STAT4: variants seen among roughly 807,000 people sequenced by gnomAD.
STAT4 encodes the protein signal transducer and activator of transcription 4.
Under a neutral mutation model 110.5 loss-of-function variants are expected in STAT4, and 42 were observed. That is an observed-to-expected ratio of 0.38 (90% CI 0.30 to 0.49). The LOEUF (loss-of-function observed/expected upper bound fraction) is 0.49. Ranked by LOEUF, STAT4 falls within the 20% of genes least tolerant of loss-of-function variation. The pLI is 0.95. For missense variants in STAT4, 632 were observed against 887.9 expected (o/e 0.71, Z 3.66); for synonymous variants, 284 against 302.2 (o/e 0.94, Z 0.63).
Position 191,091,307 on chromosome 2 carries a change from A to T in STAT4, c.274-14982T>A, listed in dbSNP as rs1381168695. Among the ~76,000 whole-genome samples the T allele has an allele frequency of 1.3e-5, 2 of 152,212 alleles. No individual in the cohort carries two copies. Among genetic ancestry groups the T allele is most frequent in the East Asian group, 1.9e-4 (1 of 5,206 alleles). Reference sequence around the variant, plus strand: ...CATCTAGAGCTAGAAATAAAAAATAAGAAATAGAAAATAGATTCAAAATAA... The same window carrying T: ...CATCTAGAGCTAGAAATAAAAAATATGAAATAGAAAATAGATTCAAAATAA... On this transcript the variant is annotated intron_variant, in intron 3 of 23. Coordinates refer to ENST00000392320, the MANE Select transcript of STAT4 (RefSeq NM_003151.4). The surrounding 1 kb of genome is among the most constrained non-coding windows in gnomAD (Gnocchi z 5.4).
intron 3 of STAT4, among the ~76,000 whole-genome samples, chr2:191,084,409 A>C (rs1477871193): frequency 6.6e-6 from 1 of 152,176 alleles, no homozygotes; most frequent in Non-Finnish European, 1.5e-5. Flanking sequence ...CATAATTAAA[A>C]TTACTTACGT....
intron 3 of STAT4, among the ~76,000 whole-genome samples, chr2:191,118,397 G>T (rs1181149825): frequency 6.6e-6 from 1 of 152,076 alleles, no homozygotes; most frequent in Non-Finnish European, 1.5e-5. Context: ...TTTTTTAAAA[G>T]TTCAAGTAAT....
At chr2:191,097,162 G>C (rs1021849046) in intron 3 of STAT4, among the ~76,000 whole-genome samples, 2 of 152,132 alleles carry the variant, frequency 1.3e-5, no homozygotes, top group Non-Finnish European at 2.9e-5. Flanking sequence ...TCATGGATAG[G>C]AAGAATCAAT....
At position 191,110,184 on chromosome 2, in the gene STAT4, G is replaced by C. The variant is rs1471415944; in HGVS notation, c.274-33859C>G. Among the ~76,000 whole-genome samples the C allele has an allele frequency of 2.0e-5, 3 of 152,092 alleles. No homozygotes were observed. Among genetic ancestry groups the C allele is most frequent in the Non-Finnish European group, 4.4e-5 (3 of 68,030 alleles). On this transcript the variant is annotated intron_variant, in intron 3 of 23. Transcript: ENST00000392320. The surrounding 1 kb of genome is among the most constrained non-coding windows in gnomAD (Gnocchi z 4.5). Reference sequence around the variant, plus strand: ...TGACCACAAAACCATTCCTCAGTCTGCACAAACATAGATTTGTGTTGATGT... The same window carrying C: ...TGACCACAAAACCATTCCTCAGTCTCCACAAACATAGATTTGTGTTGATGT...
At position 191,043,718 on chromosome 2, in the gene STAT4, A is replaced by T. The variant is rs1268120174; in HGVS notation, c.1252-2570T>A. Among the ~76,000 whole-genome samples the T allele has an allele frequency of 6.6e-6, 1 of 152,200 alleles. No individual in the cohort carries two copies. Among genetic ancestry groups the T allele is most frequent in the Non-Finnish European group, 1.5e-5 (1 of 68,036 alleles). On this transcript the variant is annotated intron_variant, in intron 14 of 23. Coordinates refer to ENST00000392320, the MANE Select transcript of STAT4 (RefSeq NM_003151.4). This position sits in a 1 kb window ranked among gnomAD's most constrained non-coding sequence, Gnocchi z 4.8. ...TTCATCAATAGGAGAATAGCTAGCTATACTGTGTATATTTATAGAGCAAAA... is the reference window on the plus strand; with the variant it reads ...TTCATCAATAGGAGAATAGCTAGCTTTACTGTGTATATTTATAGAGCAAAA...
intron 3 of STAT4, among the ~76,000 whole-genome samples, chr2:191,121,731 T>C (rs1434929382): frequency 7.9e-6 from 1 of 126,086 alleles, no homozygotes; most frequent in Non-Finnish European, 1.6e-5. Context: ...TGAGAACACT[T>C]GGACACAGGA....
In STAT4 at chr2:191,031,117, A is replaced by T. The variant is rs1370815059; in HGVS notation, c.2112-37T>A. 2 of 1,591,820 alleles carry T rather than the reference A, an allele frequency of 1.3e-6. No homozygotes were observed. The highest frequency in any genetic ancestry group is 1.7e-6 in the Non-Finnish European group (2 of 1,160,494). On this transcript the variant is annotated intron_variant, in intron 22 of 23. Coordinates refer to ENST00000392320, the MANE Select transcript of STAT4 (RefSeq NM_003151.4). This position sits in a 1 kb window ranked among gnomAD's most constrained non-coding sequence, Gnocchi z 4.8. ...AACAAGGTCAATATGGACAAGGATT[A>T]AAAAATAATAATAGTTCACGGTGAC...
rs78508787 is a variant in STAT4, at chr2:191,078,458, T to C, written c.274-2133A>G. On this transcript the variant is annotated intron_variant, in intron 3 of 23. Transcript: ENST00000392320. ...GAATCACCGCTGTTTTCATCCAGGA[T>C]ATCTTTTCACTTTCCTTTTGCATTT... 7.8e-4 allele frequency among the ~76,000 whole-genome samples: 119 copies of C among 152,300 alleles called. No individual in the cohort carries two copies. In the East Asian group the frequency reaches 0.017, roughly 22 times the overall value.
At chr2:191,084,893 C>G (rs1211888125) in intron 3 of STAT4, among the ~76,000 whole-genome samples, 1 of 151,674 alleles carries the variant, frequency 6.6e-6, no homozygotes, top group African/African-American at 2.4e-5. Context: ...TACCTTATGG[C>G]TCAACTGATT....
At chr2:191,056,310 T>C (rs566271130) in intron 13 of STAT4, among the ~76,000 whole-genome samples, 1 of 152,254 alleles carries the variant, frequency 6.6e-6, no homozygotes, top group South Asian at 2.1e-4. Context: ...TCTTAAGAAT[T>C]ATGCAGAATT....
chr2:191,057,091 G>C (rs1008623175), intron 13 of STAT4, among the ~76,000 whole-genome samples: 2 of 152,042 alleles, frequency 1.3e-5, no homozygotes, highest in Non-Finnish European at 2.9e-5. Context: ...CCCCTTCTAC[G>C]CTACTGAATA....
At chr2:191,148,314 C>A in intron 1 of STAT4, 110 bp from the exon 2 acceptor site, 1 of 1,356,568 alleles carries the variant, frequency 7.4e-7, no homozygotes, top group Non-Finnish European at 9.9e-7. Flanking sequence ...TCCAATATAT[C>A]CAAGGATACA....
In STAT4 at chr2:191,112,565, T is replaced by C. The variant is rs1053236975; in HGVS notation, c.273+34048A>G. ...GCCCTGTGGCACAATCTATATGTAG[T>C]ATAGGATAGTGATGAAACCAAAAGA... On this transcript the variant is annotated intron_variant, in intron 3 of 23. Transcript: ENST00000392320. This position sits in a 1 kb window ranked among gnomAD's most constrained non-coding sequence, Gnocchi z 4.3. 2.0e-5 allele frequency among the ~76,000 whole-genome samples: 3 copies of C among 152,220 alleles called. No individual in the cohort carries two copies. Among genetic ancestry groups the C allele is most frequent in the Non-Finnish European group, 2.9e-5 (2 of 68,032 alleles).
intron 3 of STAT4, among the ~76,000 whole-genome samples, chr2:191,109,332 G>A (rs1266559165): frequency 6.6e-6 from 1 of 151,844 alleles, no homozygotes; most frequent in East Asian, 1.9e-4. Flanking sequence ...GACAAGTGGG[G>A]AAGCCAGAGT....
At position 191,113,207 on chromosome 2, in the gene STAT4, C is replaced by A. The variant is rs1698475335; in HGVS notation, c.273+33406G>T. On this transcript the variant is annotated intron_variant, in intron 3 of 23. Coordinates refer to ENST00000392320, the MANE Select transcript of STAT4 (RefSeq NM_003151.4). The surrounding 1 kb of genome is among the most constrained non-coding windows in gnomAD (Gnocchi z 4.8). The stretch of plus-strand genomic sequence containing the variant: ...GCTGGCAGACATTACTGGTGCCACT[C>A]ATTCATTTGTTCCACAAATTTGTAC... Among the ~76,000 whole-genome samples the A allele has an allele frequency of 6.6e-6, 1 of 152,244 alleles. No homozygotes were observed. The highest frequency in any genetic ancestry group is 1.5e-5 in the Non-Finnish European group (1 of 68,038).
At chr2:191,041,453 A>G (rs554183722) in intron 14 of STAT4, 1 of 157,416 alleles carries the variant, frequency 6.4e-6, no homozygotes, top group Non-Finnish European at 1.4e-5. Flanking sequence ...TAATGTTTGA[A>G]AATTGGTACT....
chr2:191,092,248 A>G (rs1350573043), intron 3 of STAT4, among the ~76,000 whole-genome samples: 1 of 152,138 alleles, frequency 6.6e-6, no homozygotes, highest in Non-Finnish European at 1.5e-5. Context: ...TACTAAAAAT[A>G]CAAAAATTAG....
Position 191,110,888 on chromosome 2 carries a change from A to G in STAT4, c.274-34563T>C, listed in dbSNP as rs1698404877. Among the ~76,000 whole-genome samples the G allele has an allele frequency of 2.0e-5, 3 of 152,076 alleles. No individual in the cohort carries two copies. In the South Asian group the frequency reaches 6.2e-4, roughly 32 times the overall value. ...AACCTCTGCCTCCTGGGTTCAAGCG[A>G]TTCCCCTGCCTCAGCCTCCTGAGTT... is the stretch of plus-strand genomic sequence containing the variant. On this transcript the variant is annotated intron_variant, in intron 3 of 23. Coordinates refer to ENST00000392320, the MANE Select transcript of STAT4 (RefSeq NM_003151.4). The surrounding 1 kb of genome is among the most constrained non-coding windows in gnomAD (Gnocchi z 4.5).
At position 191,039,979 on chromosome 2, in the gene STAT4, A is replaced by C. The variant is rs1334526220; in HGVS notation, c.1336-682T>G. ...AAATACCCATTTGAGGAACTTTAAC[A>C]ACTCATAAAAACAGAGGTTTAGGGA... is the stretch of plus-strand genomic sequence containing the variant. On this transcript the variant is annotated intron_variant, in intron 15 of 23. Coordinates refer to ENST00000392320, the MANE Select transcript of STAT4 (RefSeq NM_003151.4). This position sits in a 1 kb window ranked among gnomAD's most constrained non-coding sequence, Gnocchi z 4.7. Among the ~76,000 whole-genome samples, 1 of 152,242 alleles carries C rather than the reference A, an allele frequency of 6.6e-6. No homozygotes were observed. The highest frequency in any genetic ancestry group is 1.5e-5 in the Non-Finnish European group (1 of 68,044).
Sources: gnomAD v4.1 joint callset for allele counts (sites outside exome capture counted in the v4.1 genomes callset) on GRCh38, gnomAD v4.1.1 for gene constraint, Gnocchi (gnomAD v3.1) non-coding constraint, MANE v1.5 for transcripts, NCBI Gene and HGNC (gene_info 2026-07-23, HGNC 2026-07-21) for gene names.